Variants in TLE1 observed in about 807,000 individuals in gnomAD.
TLE1 encodes TLE family member 1, transcriptional corepressor, also known as transducin-like enhancer protein 1.
TLE1 carries 21 observed loss-of-function variants against 89.8 expected under a neutral mutation model. That is an observed-to-expected ratio of 0.23 (90% CI 0.17 to 0.34). The LOEUF is 0.34. Among genes scored for constraint, TLE1 ranks in the 10% least tolerant of loss-of-function variants. The pLI is 1.00. For missense variants in TLE1, 795 were observed against 1,031.2 expected (o/e 0.77, Z 3.14); for synonymous variants, 447 against 407.6 (o/e 1.10, Z -1.16).
intron 6 of TLE1, among the ~76,000 whole-genome samples, chr9:81,645,525 G>C (rs1828748531): frequency 6.6e-6 from 1 of 152,038 alleles, no homozygotes; most frequent in South Asian, 2.1e-4. Context: ...TGGATCCCCT[G>C]AGGTCAGGAG....
At chr9:81,667,813 C>G (rs1348541909) in intron 4 of TLE1, among the ~76,000 whole-genome samples, 1 of 152,056 alleles carries the variant, frequency 6.6e-6, no homozygotes, top group African/African-American at 2.4e-5. Flanking sequence ...TGTTTTTAAT[C>G]AATATCACAT....
At chr9:81,675,060 G>A (rs3894391) in intron 4 of TLE1, among the ~76,000 whole-genome samples, 31,722 of 152,018 alleles carry the variant, frequency 0.21, 3,486 homozygotes, top group African/African-American at 0.28. Flanking sequence ...ATCAGTCTAA[G>A]CCAAGGTCGG....
chr9:81,670,402 T>C (rs1015596965), intron 4 of TLE1, among the ~76,000 whole-genome samples: 1 of 152,158 alleles, frequency 6.6e-6, no homozygotes, highest in African/African-American at 2.4e-5. Context: ...CTTGGCTCAC[T>C]GCAACCTCCG....
Position 81,657,927 on chromosome 9 carries a change from T to TTC in TLE1, c.235-3892_235-3891insGA, listed in dbSNP as rs1323724108. On this transcript the variant is annotated intron_variant, in intron 4 of 19. Transcript: ENST00000376499. ...TAATTTTTTTTTTTTTTTTTTTTTT[T>TTC]AAGACAGAGTCTCGCTCTGTCACCT... is the stretch of plus-strand genomic sequence containing the variant. 6.5e-3 allele frequency among the ~76,000 whole-genome samples: 942 copies of TTC among 144,414 alleles called. 10 individuals are homozygous for TTC. Among genetic ancestry groups the TTC allele is most frequent in the African/African-American group, 0.022 (881 of 39,178 alleles). The allele number at this position is 144,414 out of a possible 152,430, so 94.7% of individuals were successfully genotyped here.
At chr9:81,615,203 C>A (rs1824307329) in intron 11 of TLE1, among the ~76,000 whole-genome samples, 2 of 147,928 alleles carry the variant, frequency 1.4e-5, no homozygotes, top group South Asian at 4.4e-4. Flanking sequence ...GTGGTGAGTG[C>A]CTGTAATCCC....
intron 4 of TLE1, among the ~76,000 whole-genome samples, chr9:81,662,566 T>C (rs764952576): frequency 4.0e-5 from 6 of 151,672 alleles, no homozygotes; most frequent in Admixed American, 6.6e-5. Context: ...GGCATGGTGA[T>C]GCATGCCTGT....
rs981024856 is a variant in TLE1, at chr9:81,676,651, G to A, written c.234+9025C>T. Among the ~76,000 whole-genome samples the A allele has an allele frequency of 5.3e-5, 8 of 152,324 alleles. No homozygotes were observed. The East Asian group carries it at 1.5e-3, about 29-fold the overall frequency. ...GACACAGCAGGCTATGAGGGACAAAGAGGTCATCACAGGGGGAAGTCAAAA... is the reference window on the plus strand; with the variant it reads ...GACACAGCAGGCTATGAGGGACAAAAAGGTCATCACAGGGGGAAGTCAAAA... On this transcript the variant is annotated intron_variant, in intron 4 of 19. Coordinates refer to ENST00000376499, the MANE Select transcript of TLE1 (RefSeq NM_005077.5).
chr9:81,593,529 GTTC>G (rs1829828798), intron 14 of TLE1, among the ~76,000 whole-genome samples: 1 of 152,048 alleles, frequency 6.6e-6, no homozygotes, highest in African/African-American at 2.4e-5. Context: ...GTTTTAAATT[GTTC>G]TTACCCATTC....
At position 81,610,239 on chromosome 9, in the gene TLE1, C is replaced by T. The variant is rs1823524338; in HGVS notation, c.1312G>A (p.Gly438Arg). 6.2e-7 allele frequency: 1 copy of T among 1,613,998 alleles called. No homozygotes were observed. Among genetic ancestry groups the T allele is most frequent in the Non-Finnish European group, 8.5e-7 (1 of 1,179,990 alleles). ...RVPTIPPNLA[G>R]IPGGKPAYSF... ...ACTTACGGTTTCCCCCCAGGGATTC[C>T]TGCCAGGTTTGGAGGAATGGTAGGT... The change falls in exon 14 of 20, where the codon GGA becomes AGA. Residue 438 changes from glycine to arginine, a missense_variant. Gly to Arg is a moderately radical substitution (Grantham distance 125, BLOSUM62 -2). Coordinates refer to ENST00000376499, the MANE Select transcript of TLE1 (RefSeq NM_005077.5).
At chr9:81,646,241 G>T (rs980429374) in intron 6 of TLE1, among the ~76,000 whole-genome samples, 13 of 152,212 alleles carry the variant, frequency 8.5e-5, no homozygotes, top group African/African-American at 3.1e-4. Flanking sequence ...GAAAAGTTCT[G>T]CATTTGTCAG....
rs182365511 is a variant in TLE1 at position 81,589,668 on chromosome 9, A to G, written c.1829+1137T>C. ...GGCACTTCCTCTATAAAATGGGGCA[A>G]ATAGCAGGACAGACGTTATGAGAAC... On this transcript the variant is annotated intron_variant, in intron 16 of 19. Coordinates refer to ENST00000376499, the MANE Select transcript of TLE1 (RefSeq NM_005077.5). 4.3e-3 allele frequency among the ~76,000 whole-genome samples: 651 copies of G among 152,310 alleles called. 7 individuals are homozygous for G. The highest frequency in any genetic ancestry group is 5.2e-3 in the Non-Finnish European group (355 of 68,030).
chr9:81,610,465 C>T (rs561242428), intron 13 of TLE1, among the ~76,000 whole-genome samples, 169 bp from the exon 14 acceptor site: 11 of 152,224 alleles, frequency 7.2e-5, no homozygotes, highest in African/African-American at 2.6e-4. Context: ...AATATAAGCA[C>T]CCCTGAACGC....
At chr9:81,603,570 C>G (rs751862569) in intron 14 of TLE1, among the ~76,000 whole-genome samples, 1 of 152,182 alleles carries the variant, frequency 6.6e-6, no homozygotes, top group Non-Finnish European at 1.5e-5. Context: ...CACAAATAAA[C>G]TTACCAAAAT....
intron 6 of TLE1, among the ~76,000 whole-genome samples, chr9:81,643,305 C>T (rs1346725140): frequency 6.6e-6 from 1 of 151,538 alleles, no homozygotes; most frequent in African/African-American, 2.4e-5. Context: ...GGTGCGATCT[C>T]GGCTCACGGC....
At chr9:81,646,706 A>AG (rs1828904966) in intron 6 of TLE1, among the ~76,000 whole-genome samples, 1 of 152,200 alleles carries the variant, frequency 6.6e-6, no homozygotes, top group African/African-American at 2.4e-5. Flanking sequence ...AGAGCCCTTT[A>AG]GGTCTACAAC....
At chr9:81,665,490 G>C (rs539041921) in intron 4 of TLE1, among the ~76,000 whole-genome samples, 1 of 151,812 alleles carries the variant, frequency 6.6e-6, no homozygotes, top group Non-Finnish European at 1.5e-5. Flanking sequence ...GCAGTTCTCT[G>C]AAAACAAGGA....
At chr9:81,591,117 A>T in intron 15 of TLE1, 65 bp from the exon 16 acceptor site, 1 of 1,563,714 alleles carries the variant, frequency 6.4e-7, no homozygotes, top group South Asian at 1.2e-5. Context: ...CATGTTCTCT[A>T]ATGGCTGTCT....
chr9:81,602,633 G>C (rs185807592), intron 14 of TLE1, among the ~76,000 whole-genome samples: 3 of 152,206 alleles, frequency 2.0e-5, no homozygotes, highest in African/African-American at 7.2e-5. Context: ...AAGCATTTTG[G>C]ATTTTGAATT....
chr9:81,605,640 A>G (rs1831541325), intron 14 of TLE1, among the ~76,000 whole-genome samples: 1 of 152,210 alleles, frequency 6.6e-6, no homozygotes, highest in Non-Finnish European at 1.5e-5. Flanking sequence ...AAAGATTTAA[A>G]TATTAGACCT....
Sources: allele counts gnomAD v4.1 joint callset (sites outside exome capture counted in the v4.1 genomes callset), GRCh38; gene constraint gnomAD v4.1.1; transcripts MANE v1.5; gene names NCBI Gene and HGNC (gene_info 2026-07-23, HGNC 2026-07-21).